The following TG variants were observed in gnomAD, a reference collection of about 807,000 sequenced individuals.
The protein encoded by TG is thyroid hormones.
In TG, 270 loss-of-function variants were observed where a neutral mutation model predicts 324.7. The ratio of observed to expected loss-of-function variants is 0.83; its 90% CI spans 0.75 to 0.92. The LOEUF (loss-of-function observed/expected upper bound fraction) is 0.92. Ranked by LOEUF, TG falls within the 40% of genes least tolerant of loss-of-function variation. TG has a pLI of 0.00. For missense variants in TG, 3,591 were observed against 3,456.4 expected, an observed-to-expected ratio of 1.04 and a Z score of -0.98; for synonymous variants, 1,401 against 1,327.0, an observed-to-expected ratio of 1.06 and a Z score of -1.21.
rs777977504 is a variant in TG, at chr8:132,886,922, A to G, written c.1550A>G (p.Asp517Gly). The change falls in exon 9 of 48, where the codon GAT becomes GGT. Residue 517 changes from aspartate to glycine, a missense_variant. Physicochemically the swap from Asp to Gly is moderately conservative, Grantham distance 94. Coordinates refer to ENST00000220616, the MANE Select transcript of TG (RefSeq NM_003235.5). ...ASFLNGGRQE[D>G]LAKPLSVGLD... ...TTCTTGAATGGAGGGAGACAAGAAG[A>G]TTTGGCCAAGCCACTCTCTGTGGGA... 2 of 1,614,128 alleles carry G rather than the reference A, an allele frequency of 1.2e-6. No individual in the cohort carries two copies. Among genetic ancestry groups the G allele is most frequent in the Non-Finnish European group, 1.7e-6 (2 of 1,180,032 alleles).
intron 45 of TG, among the ~76,000 whole-genome samples, chr8:133,126,969 G>A (rs1188302937): frequency 2.0e-5 from 3 of 152,034 alleles, no homozygotes; most frequent in South Asian, 2.1e-4. Context: ...GCAGACAGAC[G>A]GAAGAGCAGG....
At chr8:133,111,379 C>T (rs946314405) in intron 43 of TG, among the ~76,000 whole-genome samples, 2 of 152,188 alleles carry the variant, frequency 1.3e-5, no homozygotes, top group Admixed American at 1.3e-4. Context: ...TATTTTGATG[C>T]TTCCTCGAAA....
intron 41 of TG, among the ~76,000 whole-genome samples, chr8:133,058,251 G>C (rs1841822536): frequency 1.3e-5 from 2 of 152,128 alleles, no homozygotes; most frequent in South Asian, 4.1e-4. Context: ...CAGGGCTGGG[G>C]GTTGAAAAAG....
At chr8:133,016,866 G>A (rs6985454) in intron 37 of TG, among the ~76,000 whole-genome samples, 69,268 of 152,114 alleles carry the variant, frequency 0.46, 16,377 homozygotes, top group African/African-American at 0.55. Flanking sequence ...AAACAAGATA[G>A]GGCTACAGAG....
intron 20 of TG, among the ~76,000 whole-genome samples, chr8:132,917,889 A>ATTTCTTTT: frequency 7.2e-6 from 1 of 138,810 alleles, no homozygotes; most frequent in South Asian, 2.4e-4. Context: ...GGTTTTTGCA[A>ATTTCTTTT]TTTTTTTTTT....
At chr8:133,028,676 G>C (rs1222123581) in intron 40 of TG, among the ~76,000 whole-genome samples, 1 of 152,220 alleles carries the variant, frequency 6.6e-6, no homozygotes, top group Non-Finnish European at 1.5e-5. Context: ...ACATGAACTT[G>C]TCCAGGGCCC....
At chr8:133,034,717 A>G (rs1836921805) in intron 41 of TG, among the ~76,000 whole-genome samples, 1 of 152,068 alleles carries the variant, frequency 6.6e-6, no homozygotes. Flanking sequence ...TCTCTGGATC[A>G]CTCAGGGCTC....
chr8:133,126,235 G>T (rs1851507139), intron 45 of TG, among the ~76,000 whole-genome samples: 1 of 152,154 alleles, frequency 6.6e-6, no homozygotes, highest in African/African-American at 2.4e-5. Flanking sequence ...CATAAACATA[G>T]TGCATGATCT....
chr8:132,906,642 C>G, intron 16 of TG, 46 bp from the exon 17 acceptor site: 1 of 1,608,952 alleles, frequency 6.2e-7, no homozygotes, highest in South Asian at 1.1e-5. Context: ...TCAGTCGTCC[C>G]GAGGCTGGGC....
At chr8:133,055,415 A>G (rs1233553045) in intron 41 of TG, among the ~76,000 whole-genome samples, 4 of 151,796 alleles carry the variant, frequency 2.6e-5, no homozygotes, top group Admixed American at 2.0e-4. Flanking sequence ...ACAGGATTAT[A>G]CATGCAACTA....
chr8:133,001,482 T>C (rs910470846), intron 35 of TG, among the ~76,000 whole-genome samples: 6 of 152,256 alleles, frequency 3.9e-5, no homozygotes, highest in Non-Finnish European at 8.8e-5. Flanking sequence ...ATTTTCATTC[T>C]GCAAATAACC....
At chr8:132,967,697 C>G in intron 30 of TG, 97 bp from the exon 31 acceptor site, 1 of 1,382,506 alleles carries the variant, frequency 7.2e-7, no homozygotes, top group Non-Finnish European at 1.0e-6. Flanking sequence ...TAGGAGGGAT[C>G]TCTACCAGGC....
chr8:133,120,055 C>A (rs1457790150), intron 45 of TG, among the ~76,000 whole-genome samples: 1 of 152,184 alleles, frequency 6.6e-6, no homozygotes, highest in African/African-American at 2.4e-5. Context: ...GGAGGCCCAG[C>A]ATGGGAAATG....
chr8:133,131,829 A>G lies in TG; in HGVS notation c.7880A>G (p.Asp2627Gly), dbSNP rs1588154072. ...YGHGSLELLADVQFALGLPFY... is the reference protein window; with the variant it reads ...YGHGSLELLAGVQFALGLPFY... ...TTTCTCAGCCTGGAGCTGCTGGCGGATGTTCAGTTTGCCTTGGGGCTTCCC... is the reference window on the plus strand; with the variant it reads ...TTTCTCAGCCTGGAGCTGCTGGCGGGTGTTCAGTTTGCCTTGGGGCTTCCC... Residue 2627 changes from aspartate (D) to glycine (G), a missense_variant, in exon 46 of 48, where the codon GAT (aspartate) becomes GGT (glycine). Coordinates refer to ENST00000220616, the MANE Select transcript of TG (RefSeq NM_003235.5). The G allele has an allele frequency of 6.2e-7, 1 of 1,614,092 alleles. No individual in the cohort carries two copies. The highest frequency in any genetic ancestry group is 8.5e-7 in the Non-Finnish European group (1 of 1,180,010).
At chr8:132,996,992 C>G (rs1832945235) in intron 35 of TG, among the ~76,000 whole-genome samples, 1 of 152,206 alleles carries the variant, frequency 6.6e-6, no homozygotes, top group Non-Finnish European at 1.5e-5. Flanking sequence ...CAGGGAAACT[C>G]AGACACTACG....
chr8:133,057,111 C>T (rs1385865574), intron 41 of TG, among the ~76,000 whole-genome samples: 1 of 145,194 alleles, frequency 6.9e-6, no homozygotes, highest in East Asian at 2.3e-4. Flanking sequence ...TTCCACTGGG[C>T]AACTATGTAA....
chr8:132,941,263 C>A, intron 25 of TG, 88 bp from the exon 26 acceptor site: 2 of 1,531,858 alleles, frequency 1.3e-6, no homozygotes, highest in South Asian at 2.3e-5. Context: ...GCAGCTAAGT[C>A]AACAAACTGT....
intron 31 of TG, 104 bp from the exon 32 acceptor site, chr8:132,969,354 T>C (rs1587625467): frequency 2.4e-6 from 2 of 826,648 alleles, no homozygotes; most frequent in East Asian, 2.5e-5. Flanking sequence ...TAATATGTCA[T>C]CTTTAATTGG....
intron 1 of TG, 88 bp from the exon 2 acceptor site, chr8:132,868,027 G>A: frequency 8.2e-7 from 1 of 1,215,018 alleles, no homozygotes; most frequent in Non-Finnish European, 1.2e-6. Flanking sequence ...TGATGACCCT[G>A]GAAAAGCATC....
Sources: allele counts gnomAD v4.1 joint callset (sites outside exome capture counted in the v4.1 genomes callset), GRCh38; gene constraint gnomAD v4.1.1; transcripts MANE v1.5; gene names NCBI Gene and HGNC (gene_info 2026-07-23, HGNC 2026-07-21).